NEGR1: variants seen among roughly 807,000 people sequenced by gnomAD.
NEGR1 encodes the protein IgLON family member 4.
A neutral mutation model predicts 40.9 loss-of-function variants in NEGR1; 10 were observed. The observed-to-expected ratio is 0.24, with a 90% CI of 0.15 to 0.42. NEGR1 has a LOEUF of 0.42. Ranked by LOEUF, NEGR1 falls within the 10% of genes least tolerant of loss-of-function variation. NEGR1 has a pLI of 1.00. For synonymous variants in NEGR1, 185 were observed against 166.8 expected (o/e 1.11, Z -0.84); for missense variants, 352 against 438.9 (o/e 0.80, Z 1.77).
intron 2 of NEGR1, among the ~76,000 whole-genome samples, chr1:71,861,566 A>G (rs1023891182): frequency 6.6e-6 from 1 of 152,108 alleles, no homozygotes; most frequent in African/African-American, 2.4e-5. Flanking sequence ...TGAGAAATAA[A>G]TCTGCATGCA....
chr1:71,572,420 T>A (rs1159230067), intron 6 of NEGR1, among the ~76,000 whole-genome samples: 1 of 152,224 alleles, frequency 6.6e-6, no homozygotes, highest in Non-Finnish European at 1.5e-5. Context: ...GCACAAACTC[T>A]TAACACATAC....
At chr1:71,836,358 A>G (rs952473245) in intron 2 of NEGR1, among the ~76,000 whole-genome samples, 1 of 151,322 alleles carries the variant, frequency 6.6e-6, no homozygotes, top group Non-Finnish European at 1.5e-5. Flanking sequence ...GAACCTGTGA[A>G]GCAGAGGTTG....
At chr1:71,466,540 C>T (rs959717567) in intron 6 of NEGR1, among the ~76,000 whole-genome samples, 6 of 151,992 alleles carry the variant, frequency 3.9e-5, no homozygotes, top group African/African-American at 7.2e-5. Context: ...GAATGGTGAT[C>T]GAGAGTACTG....
intron 4 of NEGR1, among the ~76,000 whole-genome samples, chr1:71,643,991 C>T (rs994524746): frequency 6.6e-6 from 1 of 151,900 alleles, no homozygotes; most frequent in African/African-American, 2.4e-5. Context: ...AAAGAAACCC[C>T]AAGTAATGGA....
At chr1:72,274,092 C>T (rs997852310) in intron 1 of NEGR1, among the ~76,000 whole-genome samples, 14 of 151,266 alleles carry the variant, frequency 9.3e-5, no homozygotes, top group Admixed American at 9.3e-4. Flanking sequence ...TCTGTCAAGT[C>T]AATACTGCAT....
At chr1:72,087,961 A>G (rs1294837021) in intron 1 of NEGR1, among the ~76,000 whole-genome samples, 2 of 152,140 alleles carry the variant, frequency 1.3e-5, no homozygotes, top group Non-Finnish European at 2.9e-5. Flanking sequence ...CACACTGAAA[A>G]GAAACAGTGA....
intron 5 of NEGR1, among the ~76,000 whole-genome samples, chr1:71,597,440 C>CTA: frequency 4.1e-5 from 1 of 24,478 alleles, no homozygotes; most frequent in Admixed American, 4.8e-4. Context: ...ATGTCTCTCT[C>CTA]TCTCTCTCTC....
chr1:71,628,438 A>C (rs1650860079), intron 4 of NEGR1, among the ~76,000 whole-genome samples: 1 of 152,052 alleles, frequency 6.6e-6, no homozygotes, highest in Non-Finnish European at 1.5e-5. Context: ...ATTATACTTT[A>C]AGTTCTGAGA....
chr1:72,187,380 A>T, intron 1 of NEGR1, among the ~76,000 whole-genome samples: 1 of 151,502 alleles, frequency 6.6e-6, no homozygotes, highest in East Asian at 1.9e-4. Flanking sequence ...AGTATTCAAA[A>T]TATGTTTAGT....
chr1:72,121,196 C>T (rs538055208), intron 1 of NEGR1, among the ~76,000 whole-genome samples: 1 of 152,096 alleles, frequency 6.6e-6, no homozygotes, highest in African/African-American at 2.4e-5. Flanking sequence ...GCTGCATACA[C>T]ACCCCAAAGC....
chr1:71,925,952 T>C (rs960602667), intron 2 of NEGR1, among the ~76,000 whole-genome samples: 7 of 152,138 alleles, frequency 4.6e-5, no homozygotes, highest in South Asian at 4.1e-4. Flanking sequence ...CTTTGTTTTT[T>C]TTAAGAGAAA....
chr1:72,274,657 A>G, intron 1 of NEGR1: 1 of 874,340 alleles, frequency 1.1e-6, no homozygotes, highest in South Asian at 1.3e-5. Context: ...GCTAAGTGCT[A>G]TTTATGGAGG....
At chr1:71,751,789 A>G (rs1655579703) in intron 3 of NEGR1, among the ~76,000 whole-genome samples, 1 of 152,182 alleles carries the variant, frequency 6.6e-6, no homozygotes, top group South Asian at 2.1e-4. Context: ...GAAGGCCAGA[A>G]GACACATTTT....
At chr1:71,731,631 C>CT (rs1024479521) in intron 3 of NEGR1, among the ~76,000 whole-genome samples, 20 of 152,076 alleles carry the variant, frequency 1.3e-4, no homozygotes, top group Non-Finnish European at 2.1e-4. Context: ...AAGCACACAT[C>CT]TTTTTTCTTG....
intron 1 of NEGR1, among the ~76,000 whole-genome samples, chr1:71,966,048 A>AT (rs1646207152): frequency 6.6e-6 from 1 of 152,186 alleles, no homozygotes; most frequent in Non-Finnish European, 1.5e-5. Flanking sequence ...TAGAATGTTA[A>AT]TAACTATGTT....
intron 2 of NEGR1, among the ~76,000 whole-genome samples, chr1:71,807,090 G>T (rs1557659771): frequency 6.6e-6 from 1 of 151,650 alleles, no homozygotes; most frequent in South Asian, 2.1e-4. Flanking sequence ...TAGAGACAGG[G>T]TTTCACCGTG....
At chr1:71,867,470 G>C (rs1375416389) in intron 2 of NEGR1, among the ~76,000 whole-genome samples, 2 of 152,114 alleles carry the variant, frequency 1.3e-5, no homozygotes, top group Non-Finnish European at 2.9e-5. Flanking sequence ...GAGGAATTGG[G>C]GTTGTTTACA....
At chr1:71,972,805 T>G (rs1481556757) in intron 1 of NEGR1, among the ~76,000 whole-genome samples, 1 of 152,172 alleles carries the variant, frequency 6.6e-6, no homozygotes, top group Non-Finnish European at 1.5e-5. Context: ...TAATAACATT[T>G]CTTCCCCAGT....
chr1:71,599,522 C>T (rs992411772), intron 5 of NEGR1, among the ~76,000 whole-genome samples: 12 of 152,144 alleles, frequency 7.9e-5, no homozygotes, highest in Non-Finnish European at 1.6e-4. Context: ...GCTATGGCAA[C>T]CTACTGGTTT....
Sources: allele counts gnomAD v4.1 joint callset (sites outside exome capture counted in the v4.1 genomes callset), GRCh38; gene constraint gnomAD v4.1.1; transcripts MANE v1.5; gene names NCBI Gene and HGNC (gene_info 2026-07-23, HGNC 2026-07-21).